Variants in FRYL observed in about 807,000 individuals in gnomAD.
FRYL encodes FRY like transcription coactivator.
FRYL carries 150 observed loss-of-function variants against 351.2 expected under a neutral mutation model. The ratio of observed to expected loss-of-function variants is 0.43; its 90% CI spans 0.37 to 0.49. The LOEUF is 0.49. Among genes scored for constraint, FRYL ranks in the 20% least tolerant of loss-of-function variants. The probability of loss-of-function intolerance (pLI) is 0.00; values close to 1 mark genes in which losing one functional copy is unlikely to be tolerated. For missense variants in FRYL, 3,036 were observed against 3,619.3 expected (o/e 0.84, Z 4.13); for synonymous variants, 1,153 against 1,257.1 (o/e 0.92, Z 1.75).
At chr4:48,779,350 A>G (rs926505309) in intron 1 of FRYL, among the ~76,000 whole-genome samples, 1 of 152,184 alleles carries the variant, frequency 6.6e-6, no homozygotes, top group Non-Finnish European at 1.5e-5. Context: ...CGGTGTCCGC[A>G]GGGCTGGCTC....
chr4:48,675,174 C>T lies in FRYL; in HGVS notation c.-81+9499G>A, dbSNP rs544496322. On this transcript the variant is annotated intron_variant, in intron 3 of 63. Coordinates refer to ENST00000358350, the MANE Select transcript of FRYL (RefSeq NM_015030.2). Reference sequence around the variant, plus strand: ...GCCATTCTCCTGAGAGGTGACAGCGCGCTGGCAGTCCTCAGAGCCCTCGCT... The same window carrying T: ...GCCATTCTCCTGAGAGGTGACAGCGTGCTGGCAGTCCTCAGAGCCCTCGCT... 2.7e-4 allele frequency among the ~76,000 whole-genome samples: 41 copies of T among 152,324 alleles called. No individual in the cohort carries two copies. The South Asian group carries it at 6.2e-3, about 23-fold the overall frequency.
At chr4:48,570,799 G>A (rs775267614) in intron 27 of FRYL, 28 bp downstream of exon 27, 328 of 1,503,550 alleles carry the variant, frequency 2.2e-4, no homozygotes, top group Non-Finnish European at 2.8e-4. Flanking sequence ...TCATTCCAGA[G>A]TTTTAACAAT....
At chr4:48,664,729 T>C (rs1452105736) in intron 3 of FRYL, among the ~76,000 whole-genome samples, 1 of 152,218 alleles carries the variant, frequency 6.6e-6, no homozygotes, top group African/African-American at 2.4e-5. Context: ...TATTTTCAAG[T>C]GCTTGCTAGC....
intron 1 of FRYL, among the ~76,000 whole-genome samples, chr4:48,712,380 G>A (rs1768180150): frequency 6.6e-6 from 1 of 152,198 alleles, no homozygotes; most frequent in African/African-American, 2.4e-5. Flanking sequence ...TAAAGGAGCC[G>A]ATGGAGCTGA....
At chr4:48,504,995 C>T (rs1720592413) in intron 60 of FRYL, among the ~76,000 whole-genome samples, 1 of 152,102 alleles carries the variant, frequency 6.6e-6, no homozygotes, top group African/African-American at 2.4e-5. Flanking sequence ...AGCTACACTT[C>T]CATTGGAATA....
chr4:48,597,413 T>C (rs1261433700), intron 13 of FRYL, among the ~76,000 whole-genome samples: 12 of 152,122 alleles, frequency 7.9e-5, no homozygotes, highest in Admixed American at 1.3e-4. Context: ...GGGCTTTGTG[T>C]GATAAAGATG....
intron 2 of FRYL, among the ~76,000 whole-genome samples, chr4:48,691,053 A>C (rs1025407920): frequency 1.3e-5 from 2 of 152,212 alleles, no homozygotes; most frequent in African/African-American, 4.8e-5. Context: ...AAACTATGAA[A>C]GCACAAATTC....
intron 13 of FRYL, among the ~76,000 whole-genome samples, chr4:48,597,724 C>G (rs998511825): frequency 6.6e-6 from 1 of 152,208 alleles, no homozygotes; most frequent in East Asian, 1.9e-4. Flanking sequence ...AAACTGTTCT[C>G]ATATGAATGA....
Position 48,579,100 on chromosome 4 carries a change from A to T in FRYL, c.2401T>A (p.Trp801Arg). 6.2e-7 allele frequency: 1 copy of T among 1,614,064 alleles called. No individual in the cohort carries two copies. Among genetic ancestry groups the T allele is most frequent in the Non-Finnish European group, 8.5e-7 (1 of 1,179,954 alleles). ...AAAAAACTGGAGAGACTTATAATCC[A>T]TGGGTCTTGGCCTTGGGTCACATGT... Reference protein sequence around the residue: ...FAHVTQGQDPWIISLSSFLKQ... With the variant: ...FAHVTQGQDPRIISLSSFLKQ... The change falls in exon 23 of 64, where the codon TGG (tryptophan) becomes AGG (arginine). Residue 801 changes from tryptophan to arginine, a missense_variant. By Grantham distance (101) the Trp-to-Arg change is moderately radical (BLOSUM62 -3). Coordinates refer to ENST00000358350, the MANE Select transcript of FRYL (RefSeq NM_015030.2).
At position 48,619,397 on chromosome 4, in the gene FRYL, T is replaced by C. The variant is rs762053321; in HGVS notation, c.315-27A>G. On this transcript the variant is annotated intron_variant, in intron 6 of 63. Transcript: ENST00000358350. ...TGAAACAAGAATCCAAAATTAGTAC[T>C]GCATTAAGATTATGACTTTAAAAAT... 15 of 1,305,340 alleles carry C rather than the reference T, an allele frequency of 1.1e-5. No individual in the cohort carries two copies. The South Asian group carries it at 1.9e-4, about 17-fold the overall frequency. 80.9% of individuals were successfully genotyped at this position (1,305,340 alleles called of 1,614,324 possible).
intron 1 of FRYL, among the ~76,000 whole-genome samples, chr4:48,738,613 T>A (rs1771693620): frequency 6.6e-6 from 1 of 151,988 alleles, no homozygotes; most frequent in African/African-American, 2.4e-5. Context: ...TACTCCAGCC[T>A]TAGTCTCCCC....
intron 55 of FRYL, among the ~76,000 whole-genome samples, chr4:48,519,738 C>T (rs1407230694): frequency 6.9e-6 from 1 of 145,232 alleles, no homozygotes; most frequent in Non-Finnish European, 1.5e-5. Flanking sequence ...CTCTCTCGCT[C>T]TTTTTTTTTT....
At chr4:48,699,388 G>A (rs1766510874) in intron 2 of FRYL, among the ~76,000 whole-genome samples, 1 of 152,150 alleles carries the variant, frequency 6.6e-6, no homozygotes, top group Middle Eastern at 3.2e-3. Context: ...AGTGGGGGAT[G>A]GGAAAGAGAT....
At chr4:48,773,686 G>T (rs183899629) in intron 1 of FRYL, among the ~76,000 whole-genome samples, 15 of 152,250 alleles carry the variant, frequency 9.9e-5, no homozygotes, top group African/African-American at 3.6e-4. Context: ...AGCACTTTGG[G>T]AGGCCAAGGC....
chr4:48,678,577 G>A lies in FRYL; in HGVS notation c.-81+6096C>T, dbSNP rs17610304. 4.9e-3 allele frequency among the ~76,000 whole-genome samples: 732 copies of A among 148,004 alleles called. 20 individuals are homozygous for A. The highest frequency in any genetic ancestry group is 0.029 in the Admixed American group (438 of 14,890). On this transcript the variant is annotated intron_variant, in intron 3 of 63. Coordinates refer to ENST00000358350, the MANE Select transcript of FRYL (RefSeq NM_015030.2). The stretch of plus-strand genomic sequence containing the variant: ...CAGTACAAGTACATTGGAAGAGCCA[G>A]ACACTTTAAAACCAAATCTCTCTAC...
chr4:48,674,414 TATCAC>T (rs1177975416), intron 3 of FRYL, among the ~76,000 whole-genome samples: 1 of 152,126 alleles, frequency 6.6e-6, no homozygotes, highest in Non-Finnish European at 1.5e-5. Context: ...GATAAGATTA[TATCAC>T]ATCACATGTG....
chr4:48,702,655 C>A (rs1270379906), intron 2 of FRYL, among the ~76,000 whole-genome samples: 1 of 145,668 alleles, frequency 6.9e-6, no homozygotes, highest in Admixed American at 7.0e-5. Flanking sequence ...CCCAGCTACT[C>A]GTAGAGGCTG....
rs188385001 is a variant in FRYL at position 48,499,970 on chromosome 4, G to A, written c.8783+60C>T. Reference sequence around the variant, plus strand: ...ACAGCAAATTGAAAATGAAAACCTAGTATTACTAAACTTCCTGTCTAATTT... The same window carrying A: ...ACAGCAAATTGAAAATGAAAACCTAATATTACTAAACTTCCTGTCTAATTT... On this transcript the variant is annotated intron_variant, in intron 63 of 63. Coordinates refer to ENST00000358350, the MANE Select transcript of FRYL (RefSeq NM_015030.2). The A allele has an allele frequency of 8.2e-5, 95 of 1,161,152 alleles. 1 individual carries two copies. In the Admixed American group the frequency reaches 2.1e-3, roughly 26 times the overall value. 71.9% of individuals were successfully genotyped at this position (1,161,152 alleles called of 1,614,324 possible).
At chr4:48,733,870 T>G (rs1409877470) in intron 1 of FRYL, among the ~76,000 whole-genome samples, 1 of 151,762 alleles carries the variant, frequency 6.6e-6, no homozygotes. Flanking sequence ...TTGCAAACTC[T>G]CAGCAACCAC....
Sources: gnomAD v4.1 joint callset for allele counts (sites outside exome capture counted in the v4.1 genomes callset) on GRCh38, gnomAD v4.1.1 for gene constraint, MANE v1.5 for transcripts, NCBI Gene and HGNC (gene_info 2026-07-23, HGNC 2026-07-21) for gene names.